The following CTNNA2 variants were observed in gnomAD, a reference collection of about 807,000 sequenced individuals.
CTNNA2 encodes catenin alpha 2, also known as catenin alpha-2.
A neutral mutation model predicts 101.0 loss-of-function variants in CTNNA2; 42 were observed. The ratio of observed to expected loss-of-function variants is 0.42; its 90% CI spans 0.32 to 0.54. The LOEUF (loss-of-function observed/expected upper bound fraction) is 0.54. Among genes scored for constraint, CTNNA2 ranks in the 20% least tolerant of loss-of-function variants. The pLI, the probability that CTNNA2 is intolerant of heterozygous loss-of-function variation, is 0.14. For synonymous variants in CTNNA2, 450 were observed against 456.4 expected (o/e 0.99, Z 0.18); for missense variants, 871 against 1,223.1 (o/e 0.71, Z 4.29).
chr2:80,018,296 A>G (rs1380774299), intron 7 of CTNNA2, among the ~76,000 whole-genome samples: 1 of 152,204 alleles, frequency 6.6e-6, no homozygotes, highest in Non-Finnish European at 1.5e-5. Context: ...CTAAAGCATT[A>G]TATTAAAAAA....
At chr2:79,682,584 T>G (rs990043913) in intron 2 of CTNNA2, among the ~76,000 whole-genome samples, 1 of 152,112 alleles carries the variant, frequency 6.6e-6, no homozygotes, top group Non-Finnish European at 1.5e-5. Context: ...TAAAACATTT[T>G]AGAATGTTCT....
chr2:80,341,533 G>A (rs1421572591), intron 7 of CTNNA2, among the ~76,000 whole-genome samples: 3 of 152,124 alleles, frequency 2.0e-5, no homozygotes, highest in Non-Finnish European at 2.9e-5. Context: ...ACCCATTAGG[G>A]AAATGCAAAT....
chr2:80,634,167 G>A (rs1030850032), intron 18 of CTNNA2, among the ~76,000 whole-genome samples: 1 of 152,030 alleles, frequency 6.6e-6, no homozygotes, highest in Non-Finnish European at 1.5e-5. Flanking sequence ...TAGATGTTTG[G>A]GATATAATGG....
At chr2:80,460,133 G>T (rs566661136) in intron 9 of CTNNA2, among the ~76,000 whole-genome samples, 61 of 152,044 alleles carry the variant, frequency 4.0e-4, no homozygotes, top group Admixed American at 7.2e-4. Flanking sequence ...CATTAAGGAG[G>T]ATAGTTTACT....
At chr2:80,016,688 T>TGGCCGGGCGCGGTGGCTC (rs1694174086) in intron 7 of CTNNA2, among the ~76,000 whole-genome samples, 1 of 152,198 alleles carries the variant, frequency 6.6e-6, no homozygotes, top group Non-Finnish European at 1.5e-5. Flanking sequence ...TAACTCCTTT[T>TGGCCGGGCGCGGTGGCTC]ATGTATTTAC....
intron 7 of CTNNA2, among the ~76,000 whole-genome samples, chr2:80,098,406 G>T (rs184181811): frequency 6.6e-6 from 1 of 152,206 alleles, no homozygotes; most frequent in South Asian, 2.1e-4. Context: ...TGAGGTGTCA[G>T]TCCGCCCCCA....
At chr2:80,549,739 A>C (rs1230858179) in intron 11 of CTNNA2, among the ~76,000 whole-genome samples, 1 of 152,162 alleles carries the variant, frequency 6.6e-6, no homozygotes, top group Non-Finnish European at 1.5e-5. Flanking sequence ...ACCTCAGAAT[A>C]AAAGTGTGTA....
intron 5 of CTNNA2, among the ~76,000 whole-genome samples, chr2:79,871,281 A>G (rs1483182653): frequency 6.6e-6 from 1 of 152,242 alleles, no homozygotes; most frequent in Non-Finnish European, 1.5e-5. Context: ...CCTCAGTGAG[A>G]CAGGCACATA....
intron 7 of CTNNA2, among the ~76,000 whole-genome samples, chr2:80,208,244 C>T (rs1026710906): frequency 6.6e-6 from 1 of 152,060 alleles, no homozygotes; most frequent in African/African-American, 2.4e-5. Context: ...CTTTAATTTT[C>T]GTTCATTTGT....
At chr2:79,243,469 G>A (rs1321335917) in intron 2 of CTNNA2, among the ~76,000 whole-genome samples, 3 of 152,176 alleles carry the variant, frequency 2.0e-5, no homozygotes, top group East Asian at 1.9e-4. Context: ...TCCTCCTTTC[G>A]CCCCTGTCCT....
chr2:80,345,159 G>A (rs28613375), intron 7 of CTNNA2, among the ~76,000 whole-genome samples: 4 of 151,914 alleles, frequency 2.6e-5, no homozygotes, highest in Admixed American at 1.3e-4. Flanking sequence ...ACCCTCCAGT[G>A]GTTTGCCAAA....
intron 4 of CTNNA2, among the ~76,000 whole-genome samples, chr2:79,377,452 T>C (rs543684297): frequency 4.6e-5 from 7 of 152,308 alleles, no homozygotes; most frequent in African/African-American, 1.4e-4. Flanking sequence ...TAGCCCATAA[T>C]TGTAGACAGA....
intron 7 of CTNNA2, among the ~76,000 whole-genome samples, chr2:80,028,537 G>A (rs1414107721): frequency 6.6e-6 from 1 of 152,186 alleles, no homozygotes; most frequent in African/African-American, 2.4e-5. Flanking sequence ...GGCTAGGAGA[G>A]GCCGAATAAT....
intron 2 of CTNNA2, among the ~76,000 whole-genome samples, chr2:79,689,817 A>T (rs1684172152): frequency 6.6e-6 from 1 of 152,032 alleles, no homozygotes; most frequent in African/African-American, 2.4e-5. Flanking sequence ...TGAAAGTTAT[A>T]ATAATTCAAT....
chr2:79,481,251 G>A (rs965616534), intron 4 of CTNNA2, among the ~76,000 whole-genome samples: 8 of 152,124 alleles, frequency 5.3e-5, no homozygotes, highest in Non-Finnish European at 1.0e-4. Flanking sequence ...TAAATTTGTC[G>A]TCTAGCAAAA....
In CTNNA2 at chr2:79,591,828, A is replaced by AT. The variant is rs897804765; in HGVS notation, c.-5-59715dup. On this transcript the variant is annotated intron_variant, in intron 1 of 18. Transcript: ENST00000402739. ...TGTTAATACATATGTTCTCTTTTTA[A>AT]TTTTTTTTTGGTCCTGCTGCACCTG... 1.8e-3 allele frequency among the ~76,000 whole-genome samples: 270 copies of AT among 146,446 alleles called. 1 individual carries two copies. Among genetic ancestry groups the AT allele is most frequent in the African/African-American group, 6.3e-3 (251 of 39,826 alleles).
chr2:79,565,685 T>A lies in CTNNA2; in HGVS notation c.-6+52478T>A, dbSNP rs537152040. 2.6e-5 allele frequency among the ~76,000 whole-genome samples: 4 copies of A among 152,256 alleles called. No homozygotes were observed. In the South Asian group the frequency reaches 6.2e-4, roughly 24 times the overall value. On this transcript the variant is annotated intron_variant, in intron 1 of 18. Transcript: ENST00000402739. ...AGGTTATTCTCAGGCTTTGTGCAAT[T>A]GTTGAAGTCATACAGGAGGAGAAAT...
chr2:80,483,281 G>C (rs1296021468), intron 9 of CTNNA2, among the ~76,000 whole-genome samples: 4 of 151,294 alleles, frequency 2.6e-5, no homozygotes, highest in Non-Finnish European at 4.4e-5. Flanking sequence ...AAGTGTACAT[G>C]TTTCTATTCT....
intron 3 of CTNNA2, among the ~76,000 whole-genome samples, chr2:79,343,125 C>A (rs768240182): frequency 6.6e-6 from 1 of 151,970 alleles, no homozygotes; most frequent in Non-Finnish European, 1.5e-5. Context: ...TTTAAAATAC[C>A]ATTTTTGCAA....
Sources: gnomAD v4.1 joint callset for allele counts (sites outside exome capture counted in the v4.1 genomes callset) on GRCh38, gnomAD v4.1.1 for gene constraint, MANE v1.5 for transcripts, NCBI Gene and HGNC (gene_info 2026-07-23, HGNC 2026-07-21) for gene names.